The following DCC variants were observed in gnomAD, a reference collection of about 807,000 sequenced individuals.
The protein encoded by DCC is netrin receptor DCC.
A neutral mutation model predicts 172.5 loss-of-function variants in DCC; 58 were observed. The ratio of observed to expected loss-of-function variants is 0.34; its 90% CI spans 0.27 to 0.42. The LOEUF (loss-of-function observed/expected upper bound fraction) is 0.42. DCC is among the 10% of genes least tolerant of loss of function. The pLI is 1.00. For missense variants in DCC, 1,740 were observed against 1,791.0 expected (o/e 0.97, Z 0.51); for synonymous variants, 709 against 644.5 (o/e 1.10, Z -1.52).
chr18:52,876,025 G>A (rs115420750), intron 2 of DCC, among the ~76,000 whole-genome samples: 2,401 of 152,026 alleles, frequency 0.016, 46 homozygotes, highest in African/African-American at 0.041. Context: ...CCTTCCTTAC[G>A]TTTGCCTTCC....
chr18:53,150,401 C>A (rs899363458), intron 7 of DCC, among the ~76,000 whole-genome samples: 2 of 152,104 alleles, frequency 1.3e-5, no homozygotes, highest in Non-Finnish European at 2.9e-5. Flanking sequence ...CTGGACCCTG[C>A]AATAATTTAA....
intron 19 of DCC, among the ~76,000 whole-genome samples, chr18:53,404,208 G>A (rs982500813): frequency 3.6e-4 from 55 of 151,914 alleles, no homozygotes; most frequent in Non-Finnish European, 1.3e-4. Context: ...TAATAAGTCT[G>A]AGGAGAAAAA....
chr18:52,942,027 C>A (rs1240684817), intron 5 of DCC, among the ~76,000 whole-genome samples: 1 of 152,126 alleles, frequency 6.6e-6, no homozygotes, highest in African/African-American at 2.4e-5. Flanking sequence ...AGGTGGTGTG[C>A]CCACCTTGGC....
At chr18:52,350,890 C>A (rs1027899671) in intron 1 of DCC, among the ~76,000 whole-genome samples, 2 of 152,126 alleles carry the variant, frequency 1.3e-5, no homozygotes, top group African/African-American at 2.4e-5. Flanking sequence ...ACTTTCGTGA[C>A]CCTTTCTTCC....
At chr18:52,817,479 T>C (rs1373957149) in intron 2 of DCC, among the ~76,000 whole-genome samples, 10 of 152,154 alleles carry the variant, frequency 6.6e-5, no homozygotes, top group Non-Finnish European at 1.0e-4. Context: ...TCTTTGTAAA[T>C]ATTTTGCTAC....
chr18:53,257,526 G>A (rs142557130), intron 12 of DCC, among the ~76,000 whole-genome samples: 160 of 152,230 alleles, frequency 1.1e-3, no homozygotes, highest in African/African-American at 3.1e-3. Flanking sequence ...ATTGATTTGC[G>A]TGTGTTGAAC....
At chr18:53,126,408 G>A (rs144599630) in intron 7 of DCC, among the ~76,000 whole-genome samples, 63 of 152,222 alleles carry the variant, frequency 4.1e-4, no homozygotes, top group African/African-American at 1.4e-3. Context: ...AAGCTGGAAA[G>A]CACTTTCCTC....
chr18:52,608,674 A>G (rs1185330109), intron 1 of DCC, among the ~76,000 whole-genome samples: 1 of 152,200 alleles, frequency 6.6e-6, no homozygotes, highest in Non-Finnish European at 1.5e-5. Context: ...AACTTAAGGA[A>G]CAATAATTTT....
At chr18:53,390,338 T>G (rs1908465439) in intron 16 of DCC, among the ~76,000 whole-genome samples, 1 of 152,056 alleles carries the variant, frequency 6.6e-6, no homozygotes, top group South Asian at 2.1e-4. Flanking sequence ...TACTGAATAA[T>G]TCATTGGAAA....
chr18:52,389,131 T>A (rs1351621337), intron 1 of DCC, among the ~76,000 whole-genome samples: 1 of 152,058 alleles, frequency 6.6e-6, no homozygotes, highest in Non-Finnish European at 1.5e-5. Context: ...CACTCTGTGC[T>A]TCCATTTCAT....
At position 52,700,241 on chromosome 18, in the gene DCC, C is replaced by A. The variant is rs895875036; in HGVS notation, c.92-51813C>A. Among the ~76,000 whole-genome samples, 5 of 145,812 alleles carry A rather than the reference C, an allele frequency of 3.4e-5. No individual in the cohort carries two copies. In the East Asian group the frequency reaches 1.0e-3, roughly 30 times the overall value. ...GTGCACACACATGCACACTCACATG[C>A]ACACTCACACACGCACATCCACACT... On this transcript the variant is annotated intron_variant, in intron 1 of 28. Transcript: ENST00000442544.
At position 52,374,048 on chromosome 18, in the gene DCC, C is replaced by A. The variant is rs62083510; in HGVS notation, c.91+33170C>A. Among the ~76,000 whole-genome samples the A allele has an allele frequency of 8.3e-3, 1,255 of 151,810 alleles. 20 individuals are homozygous for A. Among genetic ancestry groups the A allele is most frequent in the African/African-American group, 0.028 (1,177 of 41,356 alleles). On this transcript the variant is annotated intron_variant, in intron 1 of 28. Coordinates refer to ENST00000442544, the MANE Select transcript of DCC (RefSeq NM_005215.4). Reference sequence around the variant, plus strand: ...CTGGGACTACAGGCGCCCGCCACCACGCCTGGATTTTTTTTTTGTGTTTTT... The same window carrying A: ...CTGGGACTACAGGCGCCCGCCACCAAGCCTGGATTTTTTTTTTGTGTTTTT...
chr18:52,471,168 T>G (rs1988934129), intron 1 of DCC, among the ~76,000 whole-genome samples: 1 of 151,968 alleles, frequency 6.6e-6, no homozygotes. Flanking sequence ...ATGGGCAACA[T>G]ACCAAGACCC....
At chr18:53,051,223 G>A (rs1037241039) in intron 5 of DCC, among the ~76,000 whole-genome samples, 6 of 152,188 alleles carry the variant, frequency 3.9e-5, no homozygotes, top group African/African-American at 1.4e-4. Context: ...GAGAGACATT[G>A]TGTCTAAATA....
At chr18:52,621,918 T>A (rs557107448) in intron 1 of DCC, among the ~76,000 whole-genome samples, 10 of 152,204 alleles carry the variant, frequency 6.6e-5, no homozygotes, top group Non-Finnish European at 1.5e-4. Context: ...AACTCCAGAC[T>A]TGCTAATTTT....
At chr18:52,562,038 A>G (rs2033051488) in intron 1 of DCC, among the ~76,000 whole-genome samples, 1 of 152,210 alleles carries the variant, frequency 6.6e-6, no homozygotes, top group Non-Finnish European at 1.5e-5. Context: ...ACAGAGACAT[A>G]GCAAAGTACA....
In DCC at chr18:53,143,572, T is replaced by C. The variant is rs576091452; in HGVS notation, c.1262-13784T>C. ...TTTTGTCTTATTTTCTAGTCATCCC[T>C]TAGTGAATTTCTTTAAATATCATGT... On this transcript the variant is annotated intron_variant, in intron 7 of 28. Transcript: ENST00000442544. Among the ~76,000 whole-genome samples, 16 of 152,322 alleles carry C rather than the reference T, an allele frequency of 1.1e-4. No individual in the cohort carries two copies. In the South Asian group the frequency reaches 3.1e-3, roughly 30 times the overall value.
At chr18:52,684,379 C>A (rs541194693) in intron 1 of DCC, among the ~76,000 whole-genome samples, 1 of 39,228 alleles carries the variant, frequency 2.5e-5, no homozygotes, top group Non-Finnish European at 6.0e-5. Flanking sequence ...AAGCTAATTT[C>A]TTTCTTGTTT....
intron 1 of DCC, among the ~76,000 whole-genome samples, chr18:52,505,706 C>A (rs1021308160): frequency 6.6e-6 from 1 of 152,104 alleles, no homozygotes; most frequent in African/African-American, 2.4e-5. Context: ...TCCAAGACTC[C>A]TATTTTGCCT....
Sources: allele counts gnomAD v4.1 joint callset (sites outside exome capture counted in the v4.1 genomes callset), GRCh38; gene constraint gnomAD v4.1.1; transcripts MANE v1.5; gene names NCBI Gene and HGNC (gene_info 2026-07-23, HGNC 2026-07-21).